Variants in SLC16A10 observed in about 807,000 individuals in gnomAD.
SLC16A10 encodes solute carrier family 16 member 10.
SLC16A10 carries 27 observed loss-of-function variants against 40.0 expected under a neutral mutation model. The observed-to-expected ratio is 0.67, with a 90% CI of 0.50 to 0.93. SLC16A10 has a LOEUF of 0.93. SLC16A10 is among the 40% of genes least tolerant of loss of function. The pLI is 0.00. For synonymous variants in SLC16A10, 213 were observed against 249.8 expected, an observed-to-expected ratio of 0.85 and a Z score of 1.39; for missense variants, 529 against 658.2, an observed-to-expected ratio of 0.80 and a Z score of 2.15.
intron 1 of SLC16A10, among the ~76,000 whole-genome samples, chr6:111,162,139 A>C (rs1772382729): frequency 6.6e-6 from 1 of 152,240 alleles, no homozygotes; most frequent in Non-Finnish European, 1.5e-5. Flanking sequence ...GTTAAAAACA[A>C]ATCATGATAG....
chr6:111,187,132 C>A (rs986480023), intron 3 of SLC16A10, among the ~76,000 whole-genome samples: 3 of 152,170 alleles, frequency 2.0e-5, no homozygotes, highest in African/African-American at 7.2e-5. Context: ...TAGACAAATA[C>A]AACATTTATT....
chr6:111,154,310 A>T (rs1282221980), intron 1 of SLC16A10, among the ~76,000 whole-genome samples: 1 of 152,246 alleles, frequency 6.6e-6, no homozygotes, highest in East Asian at 1.9e-4. Flanking sequence ...AGCATAAAAC[A>T]CTGCACAAAT....
chr6:111,171,797 C>T (rs1157138429), intron 1 of SLC16A10, among the ~76,000 whole-genome samples: 6 of 122,000 alleles, frequency 4.9e-5, no homozygotes, highest in South Asian at 2.6e-4. Context: ...GCCTGGGCAG[C>T]GGAGTGAGAC....
intron 1 of SLC16A10, among the ~76,000 whole-genome samples, chr6:111,170,212 G>A (rs762038557): frequency 1.3e-5 from 2 of 151,518 alleles, no homozygotes; most frequent in South Asian, 2.1e-4. Flanking sequence ...CACCATGCCC[G>A]GCCAAGGTCT....
At chr6:111,137,654 C>T (rs1425128402) in intron 1 of SLC16A10, among the ~76,000 whole-genome samples, 2 of 152,226 alleles carry the variant, frequency 1.3e-5, no homozygotes, top group African/African-American at 2.4e-5. Flanking sequence ...AAGTGCATGA[C>T]CCTTAGTTGC....
rs561547503 is a variant in SLC16A10, at chr6:111,203,505, G to C, written c.943-3087G>C. 2.6e-5 allele frequency among the ~76,000 whole-genome samples: 4 copies of C among 151,910 alleles called. 1 individual carries two copies. The East Asian group carries it at 7.8e-4, about 30-fold the overall frequency. On this transcript the variant is annotated intron_variant, in intron 3 of 5. Coordinates refer to ENST00000368851, the MANE Select transcript of SLC16A10 (RefSeq NM_018593.5). ...GGAAGCCGAAGCAGGCAGATCACTT[G>C]AGGTCAGGAGTTTTGAGACCAGTCT...
intron 3 of SLC16A10, among the ~76,000 whole-genome samples, chr6:111,179,769 A>G (rs2114551312): frequency 6.6e-6 from 1 of 152,326 alleles, no homozygotes; most frequent in East Asian, 1.9e-4. Context: ...AAATATGTTG[A>G]CATTGTTCAT....
intron 4 of SLC16A10, among the ~76,000 whole-genome samples, chr6:111,215,045 G>C (rs1583367197): frequency 6.6e-6 from 1 of 151,970 alleles, no homozygotes; most frequent in East Asian, 1.9e-4. Flanking sequence ...TGTGAACCTG[G>C]GAGGCAGATC....
rs1180938829 is a variant in SLC16A10 at position 111,087,693 on chromosome 6, G to T, written c.-60G>T. ...CAGGAGCCCCGCAGCTCCTCCGGGA[G>T]CCCGCTGGTAACTCGCGTCCCTCGC... On this transcript the variant is annotated 5_prime_UTR_variant, in exon 1 of 6. Transcript: ENST00000368851. The T allele has an allele frequency of 4.0e-6, 4 of 999,262 alleles. No individual in the cohort carries two copies. The highest frequency in any genetic ancestry group is 1.7e-5 in the African/African-American group (1 of 58,832). 61.9% of individuals were successfully genotyped at this position (999,262 alleles called of 1,614,324 possible).
chr6:111,192,069 T>G (rs193239357), intron 3 of SLC16A10, among the ~76,000 whole-genome samples: 109 of 152,348 alleles, frequency 7.2e-4, no homozygotes, highest in African/African-American at 2.3e-3. Flanking sequence ...GCTTTTGGTG[T>G]TGTAGTCATG....
intron 1 of SLC16A10, among the ~76,000 whole-genome samples, chr6:111,117,608 A>C (rs1771511770): frequency 6.6e-6 from 1 of 152,120 alleles, no homozygotes. Context: ...ATGAAGTACT[A>C]TTTCTTTTCT....
chr6:111,089,301 G>A (rs910522748), intron 1 of SLC16A10, among the ~76,000 whole-genome samples: 1 of 152,024 alleles, frequency 6.6e-6, no homozygotes, highest in Non-Finnish European at 1.5e-5. Flanking sequence ...CTTCCATTCC[G>A]CATCATGTTT....
At chr6:111,185,750 G>T (rs1267105483) in intron 3 of SLC16A10, among the ~76,000 whole-genome samples, 1 of 152,122 alleles carries the variant, frequency 6.6e-6, no homozygotes, top group Admixed American at 6.5e-5. Flanking sequence ...AAATACTATT[G>T]CAGGAAAATG....
chr6:111,180,702 G>A (rs1276067787), intron 3 of SLC16A10, among the ~76,000 whole-genome samples: 2 of 152,174 alleles, frequency 1.3e-5, no homozygotes, highest in African/African-American at 4.8e-5. Flanking sequence ...AACTACTCAG[G>A]AGGCTGAGGC....
intron 1 of SLC16A10, among the ~76,000 whole-genome samples, chr6:111,145,025 G>T (rs1378193005): frequency 2.0e-5 from 3 of 152,012 alleles, no homozygotes; most frequent in East Asian, 1.9e-4. Context: ...TAGAAATAGG[G>T]TCTTGCCATG....
At chr6:111,121,804 G>T (rs1235203757) in intron 1 of SLC16A10, among the ~76,000 whole-genome samples, 1 of 152,082 alleles carries the variant, frequency 6.6e-6, no homozygotes, top group Non-Finnish European at 1.5e-5. Context: ...TTGGCTTAAT[G>T]CTCTGCTGTC....
At chr6:111,187,526 T>A (rs1772919443) in intron 3 of SLC16A10, among the ~76,000 whole-genome samples, 1 of 152,226 alleles carries the variant, frequency 6.6e-6, no homozygotes. Flanking sequence ...CATGGAATAG[T>A]TAAGTTGCTT....
At position 111,223,844 on chromosome 6, in the gene SLC16A10, A is replaced by G. The variant is rs918687887; in HGVS notation, c.*1609A>G. 1 of 152,384 alleles carries G rather than the reference A, an allele frequency of 6.6e-6. No individual in the cohort carries two copies. The highest frequency in any genetic ancestry group is 1.9e-4 in the East Asian group (1 of 5,214). The allele number at this position is 152,384 out of a possible 1,614,324, so 9.4% of individuals were successfully genotyped here. On this transcript the variant is annotated 3_prime_UTR_variant, in exon 6 of 6. Transcript: ENST00000368851. ...GCTGGGTAAGGTGGCTTGCGCCTAT[A>G]ATCCCAGCACTTTGGGAGGCTGAGG...
At chr6:111,090,142 T>G (rs1289004888) in intron 1 of SLC16A10, among the ~76,000 whole-genome samples, 1 of 152,134 alleles carries the variant, frequency 6.6e-6, no homozygotes, top group African/African-American at 2.4e-5. Context: ...GTTTTCCATT[T>G]TGATGAATAT....
Sources: gnomAD v4.1 joint callset for allele counts (sites outside exome capture counted in the v4.1 genomes callset) on GRCh38, gnomAD v4.1.1 for gene constraint, MANE v1.5 for transcripts, NCBI Gene and HGNC (gene_info 2026-07-23, HGNC 2026-07-21) for gene names.